The following PSIP1 variants were observed in gnomAD, a reference collection of about 807,000 sequenced individuals.
PSIP1 encodes PC4 and SFRS1-interacting protein.
Under a neutral mutation model 74.7 loss-of-function variants are expected in PSIP1, and 19 were observed. The ratio of observed to expected loss-of-function variants is 0.25; its 90% CI spans 0.18 to 0.37. The LOEUF is 0.37. Ranked by LOEUF, PSIP1 falls within the 10% of genes least tolerant of loss-of-function variation. The probability of loss-of-function intolerance (pLI) is 1.00; values close to 1 mark genes in which losing one functional copy is unlikely to be tolerated. For missense variants in PSIP1, 601 were observed against 614.3 expected, an observed-to-expected ratio of 0.98 and a Z score of 0.23; for synonymous variants, 222 against 195.3, an observed-to-expected ratio of 1.14 and a Z score of -1.14.
chr9:15,479,742 T>C, intron 6 of PSIP1, 55 bp from the exon 7 acceptor site: 1 of 1,394,238 alleles, frequency 7.2e-7, no homozygotes, highest in Non-Finnish European at 1.0e-6. Flanking sequence ...ACTCAAAGTT[T>C]AATTCGATGG....
At position 15,468,830 on chromosome 9, in the gene PSIP1, T is replaced by A; in HGVS notation, c.1220A>T (p.Lys407Ile). ...ITTLKKIRRFKVSQVIMEKST... is the reference protein window; with the variant it reads ...ITTLKKIRRFIVSQVIMEKST... ...CTTTTCCATGATTACCTGACTAACT[T>A]TGAATCGCCGTATCTGAGAAAACAA... Residue 407 changes from lysine to isoleucine, a missense_variant, in exon 14 of 16, where the codon AAA (lysine) becomes ATA (isoleucine). This residue lies in a region of PSIP1 where 538 missense variants were observed against 507.6 expected (regional missense o/e 1.06). Transcript: ENST00000380733. 6.2e-7 allele frequency: 1 copy of A among 1,613,572 alleles called. No individual in the cohort carries two copies. The highest frequency in any genetic ancestry group is 8.5e-7 in the Non-Finnish European group (1 of 1,179,590).
chr9:15,486,149 G>T, intron 5 of PSIP1, 81 bp from the exon 6 acceptor site: 1 of 1,211,268 alleles, frequency 8.3e-7, no homozygotes, highest in Non-Finnish European at 1.2e-6. Context: ...AAAGTTACAA[G>T]CACGTTTAAC....
intron 3 of PSIP1, chr9:15,492,292 C>T (rs1483347545): frequency 1.3e-5 from 2 of 152,242 alleles, no homozygotes; most frequent in African/African-American, 2.4e-5. Context: ...TGGCTAAATA[C>T]ACCCATCCCA....
At chr9:15,466,672 T>A in intron 15 of PSIP1, 76 bp downstream of exon 15, 1 of 1,144,850 alleles carries the variant, frequency 8.7e-7, no homozygotes, top group Non-Finnish European at 1.2e-6. Context: ...TATAGTAAGA[T>A]AACCTTGGAA....
chr9:15,504,977 T>C (rs915415124), intron 3 of PSIP1: 3 of 150,810 alleles, frequency 2.0e-5, no homozygotes, highest in African/African-American at 7.3e-5. Flanking sequence ...TTTTTTTTTT[T>C]TTGAGATGAG....
intron 4 of PSIP1, among the ~76,000 whole-genome samples, chr9:15,487,473 T>C (rs1226386992): frequency 6.6e-6 from 1 of 151,868 alleles, no homozygotes; most frequent in Non-Finnish European, 1.5e-5. Context: ...CACGCGCCTG[T>C]AATCCCAGCT....
chr9:15,488,143 AG>A (rs1292622684), intron 4 of PSIP1, among the ~76,000 whole-genome samples: 1 of 150,920 alleles, frequency 6.6e-6, no homozygotes, highest in Non-Finnish European at 1.5e-5. Context: ...GGCCTGGCCA[AG>A]ATGGTGAAAC....
At chr9:15,499,737 G>A (rs185290552) in intron 3 of PSIP1, among the ~76,000 whole-genome samples, 8 of 152,214 alleles carry the variant, frequency 5.3e-5, no homozygotes, top group African/African-American at 1.7e-4. Context: ...AGCTGGGCTT[G>A]GGGGCGCGTC....
intron 5 of PSIP1, among the ~76,000 whole-genome samples, chr9:15,486,437 G>A (rs984022463): frequency 4.6e-5 from 7 of 152,000 alleles, no homozygotes; most frequent in Non-Finnish European, 5.9e-5. Context: ...GGCCTGGAAG[G>A]GCTAAATGAG....
At chr9:15,469,210 TA>T in intron 12 of PSIP1, 55 bp downstream of exon 12, 1 of 1,351,098 alleles carries the variant, frequency 7.4e-7, no homozygotes, top group African/African-American at 1.5e-5. Context: ...TGTGAGAAAA[TA>T]AAAGATGAAG....
intron 2 of PSIP1, among the ~76,000 whole-genome samples, chr9:15,507,270 AAT>A (rs1195588263): frequency 6.6e-6 from 1 of 152,242 alleles, no homozygotes; most frequent in African/African-American, 2.4e-5. Context: ...TGTCACGTCT[AAT>A]ATATCCATAA....
chr9:15,468,528 T>C lies in PSIP1; in HGVS notation c.1420+102A>G, dbSNP rs2035723600. On this transcript the variant is annotated intron_variant, in intron 14 of 15. Coordinates refer to ENST00000380733, the MANE Select transcript of PSIP1 (RefSeq NM_033222.5). ...ATTTTGCCTTTGTATACTTTTTCTGTGGCGTATACACAGTGAAACTATGTA... is the reference window on the plus strand; with the variant it reads ...ATTTTGCCTTTGTATACTTTTTCTGCGGCGTATACACAGTGAAACTATGTA... 4 of 1,265,744 alleles carry C rather than the reference T, an allele frequency of 3.2e-6. No individual in the cohort carries two copies. In the Admixed American group the frequency reaches 5.1e-5, roughly 16 times the overall value. The allele number at this position is 1,265,744 out of a possible 1,614,324, so 78.4% of individuals were successfully genotyped here.
rs914147151 is a variant in PSIP1, at chr9:15,490,188, G to A, written c.150-64C>T. ...CTCAAATACATAATTTATTAGATAA[G>A]ACACCCTATTACACAATTATCAAAA... On this transcript the variant is annotated intron_variant, in intron 3 of 15. Transcript: ENST00000380733. The A allele has an allele frequency of 3.4e-5, 47 of 1,396,820 alleles. No homozygotes were observed. In the Middle Eastern group the frequency reaches 9.4e-4, roughly 28 times the overall value. 86.5% of individuals were successfully genotyped at this position (1,396,820 alleles called of 1,614,324 possible).
intron 3 of PSIP1, among the ~76,000 whole-genome samples, chr9:15,504,347 A>G (rs1010765919): frequency 7.3e-6 from 1 of 136,292 alleles, no homozygotes; most frequent in Non-Finnish European, 1.5e-5. Flanking sequence ...AAGTGTACAT[A>G]TATTTATATA....
At position 15,504,076 on chromosome 9, in the gene PSIP1, C is replaced by T. The variant is rs150287192; in HGVS notation, c.149+2485G>A. Among the ~76,000 whole-genome samples, 275 of 152,254 alleles carry T rather than the reference C, an allele frequency of 1.8e-3. 3 individuals are homozygous for T. The highest frequency in any genetic ancestry group is 6.3e-3 in the African/African-American group (260 of 41,548). On this transcript the variant is annotated intron_variant, in intron 3 of 15. Transcript: ENST00000380733. ...TTAATCTTAAGTACAAAAGAAGTCA[C>T]CACCAGACCAACATACATATGGGGC...
In PSIP1 at chr9:15,464,941, T is replaced by C. The variant is rs547427764; in HGVS notation, c.*579A>G. ...TTAGTTGTCATACCAAAAAAAACCA[T>C]ACAGAGCACACATTGTTCCAAAGAA... On this transcript the variant is annotated 3_prime_UTR_variant, in exon 16 of 16. Coordinates refer to ENST00000380733, the MANE Select transcript of PSIP1 (RefSeq NM_033222.5). 2 of 215,070 alleles carry C rather than the reference T, an allele frequency of 9.3e-6. No individual in the cohort carries two copies. The highest frequency in any genetic ancestry group is 1.2e-4 in the Admixed American group (2 of 17,180). 13.3% of individuals were successfully genotyped at this position (215,070 alleles called of 1,614,324 possible).
intron 3 of PSIP1, chr9:15,504,958 C>CTTTTTTTT (rs761643860): frequency 7.9e-6 from 1 of 126,384 alleles, no homozygotes; most frequent in Non-Finnish European, 1.7e-5. Context: ...GGCCTAAGAA[C>CTTTTTTTT]TTTTTTTTTT....
At chr9:15,479,485 C>G (rs1017153526) in intron 7 of PSIP1, 106 bp downstream of exon 7, 2 of 720,470 alleles carry the variant, frequency 2.8e-6, no homozygotes, top group African/African-American at 3.6e-5. Flanking sequence ...TACACATAAT[C>G]AATTGCCTAT....
intron 10 of PSIP1, chr9:15,472,306 CT>C (rs1312057122): frequency 1.9e-6 from 2 of 1,029,824 alleles, no homozygotes; most frequent in Non-Finnish European, 2.3e-6. Flanking sequence ...ATTATCGCCC[CT>C]CTATCTATAT....
Sources: allele counts gnomAD v4.1 joint callset (sites outside exome capture counted in the v4.1 genomes callset), GRCh38; gene constraint gnomAD v4.1.1; regional missense constraint gnomAD v4.1.1; transcripts MANE v1.5; gene names NCBI Gene and HGNC (gene_info 2026-07-23, HGNC 2026-07-21).